Variants in TINCR observed in about 807,000 individuals in gnomAD.
TINCR encodes the protein TINCR-encoded ubiquitin-like protein.
At chr19:5,559,921 C>G (rs1297885943), downstream of TINCR, 5 of 152,300 alleles carry the variant, frequency 3.3e-5, no homozygotes, top group Non-Finnish European at 7.3e-5. Flanking sequence ...GGGCCTCAGG[C>G]TACCCTCTGC....
At chr19:5,564,229 T>A (rs749213) in intron 1 of TINCR, among the ~76,000 whole-genome samples, 103,618 of 152,090 alleles carry the variant, frequency 0.68, 35,639 homozygotes, top group East Asian at 0.87. Flanking sequence ...AGCTTCTCTC[T>A]CCCTAGGGTA....
At chr19:5,564,086 ATG>A (rs920991853) in intron 1 of TINCR, among the ~76,000 whole-genome samples, 1 of 152,048 alleles carries the variant, frequency 6.6e-6, no homozygotes, top group Admixed American at 6.6e-5. Flanking sequence ...GAGGCAGAAA[ATG>A]TTGTCACTAC....
At chr19:5,562,252 CAT>C (rs1023303436), downstream of TINCR, 1 of 152,698 alleles carries the variant, frequency 6.5e-6, no homozygotes, top group African/African-American at 2.4e-5. The surrounding 1 kb of genome is among the most constrained non-coding windows in gnomAD (Gnocchi z 4.4). Flanking sequence ...GCAGAAAAAA[CAT>C]AGCCCTTGCC....
At chr19:5,561,989 T>C (rs1245409404), downstream of TINCR, 1 of 152,492 alleles carries the variant, frequency 6.6e-6, no homozygotes, top group Admixed American at 6.5e-5. Flanking sequence ...CAATAACATC[T>C]GTCTCTTCTC....
At chr19:5,566,499 G>A (rs747561370) in intron 1 of TINCR, among the ~76,000 whole-genome samples, 7 of 151,342 alleles carry the variant, frequency 4.6e-5, no homozygotes, top group Non-Finnish European at 8.9e-5. Context: ...GAGAGAGACA[G>A]AGACAAAAGA....
At chr19:5,564,109 A>G (rs1243817824) in intron 1 of TINCR, among the ~76,000 whole-genome samples, 1 of 152,112 alleles carries the variant, frequency 6.6e-6, no homozygotes, top group Non-Finnish European at 1.5e-5. Flanking sequence ...TGCATTTCAC[A>G]GAGTGTAGAA....
In TINCR at chr19:5,563,871, C is replaced by T. The variant is rs1296244362; in HGVS notation, c.261-922G>A. On this transcript the variant is annotated intron_variant, in intron 1 of 1. Coordinates refer to ENST00000646160, the Ensembl canonical transcript of TINCR. This position sits in a 1 kb window ranked among gnomAD's most constrained non-coding sequence, Gnocchi z 4.7. ...CAGAGGTTGCAGTGAGCCGAGATTGCGCCACTGCACTCCAGCCTGGGCGAC... is the reference window on the plus strand; with the variant it reads ...CAGAGGTTGCAGTGAGCCGAGATTGTGCCACTGCACTCCAGCCTGGGCGAC... 3.3e-5 allele frequency among the ~76,000 whole-genome samples: 5 copies of T among 152,054 alleles called. No homozygotes were observed. The highest frequency in any genetic ancestry group is 5.9e-5 in the Non-Finnish European group (4 of 67,996).
At chr19:5,558,199 C>T (rs1340806528), downstream of TINCR, 10 of 152,234 alleles carry the variant, frequency 6.6e-5, no homozygotes, top group Admixed American at 6.5e-4. Flanking sequence ...TTATTCAGTA[C>T]ACTCTCAAAA....
chr19:5,559,361 G>C (rs969624837), downstream of TINCR: 4 of 148,006 alleles, frequency 2.7e-5, no homozygotes, highest in African/African-American at 1.0e-4. Context: ...TTGAGACGGA[G>C]TCTCGCTCTG....
At chr19:5,558,716 G>C (rs1400338331), downstream of TINCR, 1 of 152,286 alleles carries the variant, frequency 6.6e-6, no homozygotes, top group Non-Finnish European at 1.5e-5. Context: ...GTGTCACGAG[G>C]ACCATGCACT....
chr19:5,567,623 G>GCCCCCCCCCCCCCCCCCCCCCCCCCCCC, intron 1 of TINCR, 42 bp downstream of exon 1: 4 of 328,348 alleles, frequency 1.2e-5, no homozygotes, highest in Non-Finnish European at 1.1e-5. Context: ...GGGGTCCCCG[G>GCCCCCCCCCCCCCCCCCCCCCCCCCCCC]CCGCCGCCCC....
At chr19:5,561,309 G>C (rs2052100986), downstream of TINCR, 1 of 153,854 alleles carries the variant, frequency 6.5e-6, no homozygotes, top group African/African-American at 2.4e-5. Flanking sequence ...CTAGGTCCTT[G>C]TCAGGGACTG....
chr19:5,566,093 G>A (rs763132056), intron 1 of TINCR, among the ~76,000 whole-genome samples: 2 of 152,228 alleles, frequency 1.3e-5, no homozygotes, highest in African/African-American at 4.8e-5. Context: ...ATCCAAGTGT[G>A]AGTGTGGGTA....
At chr19:5,567,546 G>GC (rs2052137437) in intron 1 of TINCR, 119 bp downstream of exon 1, 1 of 369,026 alleles carries the variant, frequency 2.7e-6, no homozygotes, top group African/African-American at 2.1e-5. Flanking sequence ...GGCGGGCAGC[G>GC]CGAGGTGGGA....
In TINCR at chr19:5,564,133, A is replaced by C. The variant is rs1003623186; in HGVS notation, c.261-1184T>G. On this transcript the variant is annotated intron_variant, in intron 1 of 1. Coordinates refer to ENST00000646160, the Ensembl canonical transcript of TINCR. ...CAGAGTGTAGAAACAGGAGGTGGCA[A>C]GAGAGGCTGGGGGAGGGAGAAGAGG... 9.2e-5 allele frequency among the ~76,000 whole-genome samples: 14 copies of C among 151,974 alleles called. 1 individual carries two copies. Among genetic ancestry groups the C allele is most frequent in the African/African-American group, 3.1e-4 (13 of 41,366 alleles).
rs1295297726 is a variant in TINCR, at chr19:5,565,964, A to AG, written c.260+1700dup. ...TCGACCCATTTCCCAGAGCTGCCCC[A>AG]GGCCGGCAGTGAGCTGTTCCCGTGG... On this transcript the variant is annotated intron_variant, in intron 1 of 1. Transcript: ENST00000646160. The surrounding 1 kb of genome is among the most constrained non-coding windows in gnomAD (Gnocchi z 4.0). 6.6e-6 allele frequency among the ~76,000 whole-genome samples: 1 copy of AG among 152,164 alleles called. No individual in the cohort carries two copies. Among genetic ancestry groups the AG allele is most frequent in the Non-Finnish European group, 1.5e-5 (1 of 68,026 alleles).
At position 5,563,573 on chromosome 19, in the gene TINCR, A is replaced by C. The variant is rs1180007471; in HGVS notation, c.261-624T>G. ...TTAGACCCTGGCTCTGCCCCTTCCCAGCTTAATCTTACTCTGCCTCAGCTT... is the reference window on the plus strand; with the variant it reads ...TTAGACCCTGGCTCTGCCCCTTCCCCGCTTAATCTTACTCTGCCTCAGCTT... On this transcript the variant is annotated intron_variant, in intron 1 of 1. Transcript: ENST00000646160. This position sits in a 1 kb window ranked among gnomAD's most constrained non-coding sequence, Gnocchi z 4.7. Among the ~76,000 whole-genome samples, 1 of 152,150 alleles carries C rather than the reference A, an allele frequency of 6.6e-6. No homozygotes were observed. Among genetic ancestry groups the C allele is most frequent in the African/African-American group, 2.4e-5 (1 of 41,412 alleles).
chr19:5,559,187 G>A (rs1197856082), downstream of TINCR: 1 of 152,230 alleles, frequency 6.6e-6, no homozygotes, highest in African/African-American at 2.4e-5. Context: ...CCCCAGTGGA[G>A]AAGCGGGAAA....
In TINCR at chr19:5,563,656, T is replaced by G. The variant is rs1436191013; in HGVS notation, c.261-707A>C. On this transcript the variant is annotated intron_variant, in intron 1 of 1. Coordinates refer to ENST00000646160, the Ensembl canonical transcript of TINCR. This position sits in a 1 kb window ranked among gnomAD's most constrained non-coding sequence, Gnocchi z 4.7. ...CCGGCCAGGCACGGTGGCTCACGCG[T>G]GTAATCCCAGCACTTTGGGAGGCTG... 6.6e-6 allele frequency among the ~76,000 whole-genome samples: 1 copy of G among 152,048 alleles called. No individual in the cohort carries two copies. Among genetic ancestry groups the G allele is most frequent in the African/African-American group, 2.4e-5 (1 of 41,394 alleles).
Sources: gnomAD v4.1 joint callset for allele counts (sites outside exome capture counted in the v4.1 genomes callset) on GRCh38, gnomAD v4.1.1 for gene constraint, Gnocchi (gnomAD v3.1) non-coding constraint, MANE v1.5 for transcripts, NCBI Gene and HGNC (gene_info 2026-07-23, HGNC 2026-07-21) for gene names.